The following PTPDC1 variants were observed in gnomAD, a reference collection of about 807,000 sequenced individuals.
The protein encoded by PTPDC1 is protein tyrosine phosphatase domain containing 1, also known as protein tyrosine phosphatase domain-containing protein 1.
PTPDC1 carries 53 observed loss-of-function variants against 75.3 expected under a neutral mutation model. The observed-to-expected ratio is 0.70, with a 90% CI of 0.56 to 0.88. The LOEUF (loss-of-function observed/expected upper bound fraction) is 0.88. Among genes scored for constraint, PTPDC1 ranks in the 40% least tolerant of loss-of-function variants. The pLI is 0.00. For missense variants in PTPDC1, 925 were observed against 998.6 expected (o/e 0.93, Z 0.99); for synonymous variants, 349 against 366.2 (o/e 0.95, Z 0.54).
At chr9:94,066,290 T>C (rs1826303302) in intron 2 of PTPDC1, among the ~76,000 whole-genome samples, 1 of 152,228 alleles carries the variant, frequency 6.6e-6, no homozygotes, top group African/African-American at 2.4e-5. Flanking sequence ...CAGCTAATTT[T>C]TAATTAGGAA....
At chr9:94,058,861 C>T (rs1826038297) in intron 1 of PTPDC1, among the ~76,000 whole-genome samples, 1 of 151,864 alleles carries the variant, frequency 6.6e-6, no homozygotes, top group South Asian at 2.1e-4. Context: ...CATGGTAGCA[C>T]ATGCCTGTAG....
chr9:94,037,489 T>C (rs1825306908), intron 1 of PTPDC1, among the ~76,000 whole-genome samples: 1 of 152,176 alleles, frequency 6.6e-6, no homozygotes, highest in East Asian at 1.9e-4. Flanking sequence ...ATGTGTGTGT[T>C]TCTTTTATAA....
chr9:94,102,559 G>GTTTGTT (rs762226022), intron 7 of PTPDC1, among the ~76,000 whole-genome samples: 4 of 151,762 alleles, frequency 2.6e-5, no homozygotes, highest in Non-Finnish European at 5.9e-5. Context: ...TTAAAACAGG[G>GTTTGTT]TTTGTTTTTG....
At chr9:94,050,017 G>C (rs1288156105) in intron 1 of PTPDC1, among the ~76,000 whole-genome samples, 46 of 152,194 alleles carry the variant, frequency 3.0e-4, no homozygotes, top group Admixed American at 6.5e-5. Context: ...GGCTACTGAG[G>C]CTTGTGCATT....
intron 5 of PTPDC1, among the ~76,000 whole-genome samples, chr9:94,096,219 T>C (rs1827563175): frequency 6.6e-6 from 1 of 152,202 alleles, no homozygotes; most frequent in Non-Finnish European, 1.5e-5. Flanking sequence ...GTACCTGTGC[T>C]CCTGCCAGGG....
chr9:94,032,168 A>C (rs1829741297), intron 1 of PTPDC1, among the ~76,000 whole-genome samples: 1 of 152,174 alleles, frequency 6.6e-6, no homozygotes, highest in Non-Finnish European at 1.5e-5. Context: ...CCACCCACTC[A>C]TCCTGTTGGC....
exon 1 of PTPDC1, chr9:94,031,069 A>G (rs911749318): frequency 2.0e-5 from 3 of 152,202 alleles, no homozygotes; most frequent in African/African-American, 7.2e-5. Context: ...TGTGACACGG[A>G]CGGCGCGTCC....
intron 4 of PTPDC1, among the ~76,000 whole-genome samples, chr9:94,091,814 G>T (rs980923097): frequency 3.3e-5 from 5 of 152,144 alleles, no homozygotes; most frequent in African/African-American, 1.2e-4. Flanking sequence ...AGTCTTGGGA[G>T]AGTTTATGTG....
chr9:94,058,067 C>T (rs1001433418), intron 1 of PTPDC1, among the ~76,000 whole-genome samples: 3 of 152,170 alleles, frequency 2.0e-5, no homozygotes, highest in African/African-American at 7.2e-5. Context: ...CCAGCTGTCT[C>T]CCTGGGGGCA....
Position 94,073,115 on chromosome 9 carries a change from G to A in PTPDC1, c.82+8294G>A, listed in dbSNP as rs191822715. 4.2e-4 allele frequency among the ~76,000 whole-genome samples: 64 copies of A among 152,156 alleles called. 1 individual carries two copies. The highest frequency in any genetic ancestry group is 3.4e-3 in the Admixed American group (52 of 15,286). The stretch of plus-strand genomic sequence containing the variant: ...GGTGCCCATTCTTCTTTAAATGTTC[G>A]GTAGCATTCTCCAGTGACGTCATTT... On this transcript the variant is annotated intron_variant, in intron 2 of 9. Transcript: ENST00000375360.
chr9:94,059,819 A>G (rs994326675), intron 1 of PTPDC1, among the ~76,000 whole-genome samples: 7 of 152,158 alleles, frequency 4.6e-5, no homozygotes, highest in Non-Finnish European at 1.0e-4. Flanking sequence ...ATTATCCCTA[A>G]TGAATATCTT....
At chr9:94,064,918 TCATA>T in intron 2 of PTPDC1, 1 of 852,108 alleles carries the variant, frequency 1.2e-6, no homozygotes, top group Non-Finnish European at 1.8e-6. Flanking sequence ...GCTCTCTTCT[TCATA>T]TTGGAATCCC....
At chr9:94,050,078 G>A (rs1825740003) in intron 1 of PTPDC1, among the ~76,000 whole-genome samples, 2 of 152,038 alleles carry the variant, frequency 1.3e-5, no homozygotes, top group African/African-American at 4.8e-5. Context: ...GTCCTTTAAG[G>A]ACTTATCTGC....
rs756343039 is a variant in PTPDC1, at chr9:94,101,671, C to T, written c.2119C>T (p.Pro707Ser). The change falls in exon 7 of 9, where the codon CCT (proline) becomes TCT (serine). Residue 707 changes from proline (P) to serine (S), a missense_variant. Pro to Ser is a moderately conservative substitution (Grantham distance 74). Coordinates refer to ENST00000620992, the MANE Select transcript of PTPDC1 (RefSeq NM_001253829.2). The stretch of plus-strand genomic sequence containing the variant: ...GTCTTGGGTGGAGCAACTGAAGGAG[C>T]CTGTAATCACCAAAGAGGATGTGGA... ...MWSWVEQLKE[P>S]VITKEDVDML... 2 of 1,613,756 alleles carry T rather than the reference C, an allele frequency of 1.2e-6. No homozygotes were observed. Among genetic ancestry groups the T allele is most frequent in the South Asian group, 1.1e-5 (1 of 91,056 alleles).
chr9:94,093,767 G>C (rs1827422661), intron 4 of PTPDC1, among the ~76,000 whole-genome samples: 1 of 144,120 alleles, frequency 6.9e-6, no homozygotes, highest in African/African-American at 2.6e-5. Context: ...ATATTTCTTG[G>C]AGGCTTTGCT....
At chr9:94,094,492 G>A (rs1330943061) in intron 4 of PTPDC1, among the ~76,000 whole-genome samples, 1 of 152,212 alleles carries the variant, frequency 6.6e-6, no homozygotes, top group African/African-American at 2.4e-5. Flanking sequence ...CTGTCAGACA[G>A]GGACATTTAA....
intron 2 of PTPDC1, among the ~76,000 whole-genome samples, chr9:94,075,598 A>G (rs965031479): frequency 1.3e-5 from 2 of 152,192 alleles, no homozygotes; most frequent in Admixed American, 6.5e-5. Context: ...GCAATAAAGA[A>G]TCCCAGGTAG....
At chr9:94,052,155 C>G (rs558036091) in intron 1 of PTPDC1, among the ~76,000 whole-genome samples, 49 of 152,172 alleles carry the variant, frequency 3.2e-4, no homozygotes, top group South Asian at 1.9e-3. Context: ...CATTGTTGTG[C>G]AAGATATATA....
intron 5 of PTPDC1, among the ~76,000 whole-genome samples, chr9:94,096,686 A>C (rs1356940567): frequency 6.6e-6 from 1 of 152,170 alleles, no homozygotes; most frequent in Non-Finnish European, 1.5e-5. Flanking sequence ...TTGCTTATGG[A>C]AAAATAGAAT....
Sources: gnomAD v4.1 joint callset for allele counts (sites outside exome capture counted in the v4.1 genomes callset) on GRCh38, gnomAD v4.1.1 for gene constraint, MANE v1.5 for transcripts, NCBI Gene and HGNC (gene_info 2026-07-23, HGNC 2026-07-21) for gene names.